Variants in WDR72 observed in about 807,000 individuals in gnomAD.
WDR72 encodes WD repeat-containing protein 72.
Under a neutral mutation model 124.2 loss-of-function variants are expected in WDR72, and 120 were observed. The observed-to-expected ratio is 0.97, with a 90% CI of 0.83 to 1.12. The LOEUF (loss-of-function observed/expected upper bound fraction) is 1.12. WDR72 is among the 50% of genes most tolerant of loss of function. WDR72 has a pLI of 0.00. For missense variants in WDR72, 1,387 were observed against 1,278.8 expected (o/e 1.08, Z -1.29); for synonymous variants, 452 against 441.7 (o/e 1.02, Z -0.29).
At chr15:53,633,213 C>T (rs755680277) in intron 14 of WDR72, among the ~76,000 whole-genome samples, 1 of 152,112 alleles carries the variant, frequency 6.6e-6, no homozygotes, top group African/African-American at 2.4e-5. Flanking sequence ...AGCACCATGC[C>T]CCCTTGGTAC....
At chr15:53,557,008 AAG>A (rs1188595317) in intron 18 of WDR72, among the ~76,000 whole-genome samples, 1 of 152,154 alleles carries the variant, frequency 6.6e-6, no homozygotes, top group East Asian at 1.9e-4. Context: ...TAAAAAAGGA[AAG>A]ATGAATACAA....
chr15:53,641,716 T>G (rs1273263759), intron 14 of WDR72, among the ~76,000 whole-genome samples: 1 of 151,922 alleles, frequency 6.6e-6, no homozygotes, highest in Non-Finnish European at 1.5e-5. Flanking sequence ...CTATTCCTAT[T>G]TATTTTCTTT....
At chr15:53,681,734 G>A (rs1479824923) in intron 13 of WDR72, among the ~76,000 whole-genome samples, 1 of 152,060 alleles carries the variant, frequency 6.6e-6, no homozygotes, top group East Asian at 1.9e-4. Flanking sequence ...CATACAAAAT[G>A]TTCTGAAGAC....
At chr15:53,565,121 T>C (rs542495642) in intron 18 of WDR72, among the ~76,000 whole-genome samples, 2 of 151,956 alleles carry the variant, frequency 1.3e-5, no homozygotes, top group South Asian at 4.1e-4. Context: ...AAAAATTTCA[T>C]GAGCATATTC....
chr15:53,657,573 AT>A (rs1303781733), intron 14 of WDR72, among the ~76,000 whole-genome samples: 1 of 151,902 alleles, frequency 6.6e-6, no homozygotes, highest in African/African-American at 2.4e-5. Flanking sequence ...CAAATGGAGT[AT>A]TTAATCCAAG....
At chr15:53,743,291 T>C (rs1178721959) in intron 1 of WDR72, among the ~76,000 whole-genome samples, 1 of 152,108 alleles carries the variant, frequency 6.6e-6, no homozygotes, top group Non-Finnish European at 1.5e-5. Context: ...AGTTTAATTA[T>C]ATATAGATCA....
chr15:53,538,534 T>G (rs1283991827), intron 18 of WDR72, among the ~76,000 whole-genome samples: 2 of 152,186 alleles, frequency 1.3e-5, no homozygotes, highest in African/African-American at 4.8e-5. Context: ...TTTTCATTTC[T>G]AGGGTAGAAA....
rs559582224 is a variant in WDR72, at chr15:53,516,717, T to C, written c.*982A>G. The C allele has an allele frequency of 2.6e-5, 4 of 152,162 alleles. No homozygotes were observed. In the East Asian group the frequency reaches 7.7e-4, roughly 29 times the overall value. The allele number at this position is 152,162 out of a possible 1,614,324, so 9.4% of individuals were successfully genotyped here. On this transcript the variant is annotated 3_prime_UTR_variant, in exon 20 of 20. Transcript: ENST00000360509. The stretch of plus-strand genomic sequence containing the variant: ...ATATTTAATACTTTATATCCTTTTT[T>C]CTATGGATTAGGCAATATTTATATA...
chr15:53,677,166 C>T (rs936621694), intron 13 of WDR72, among the ~76,000 whole-genome samples: 12 of 152,018 alleles, frequency 7.9e-5, no homozygotes, highest in African/African-American at 2.4e-4. Context: ...ATGATCCACC[C>T]GCCTTGGCCT....
intron 1 of WDR72, among the ~76,000 whole-genome samples, chr15:53,745,907 G>T (rs934463182): frequency 1.3e-5 from 2 of 152,238 alleles, no homozygotes; most frequent in East Asian, 3.9e-4. Flanking sequence ...TCCAGAACTT[G>T]CTCCTTACAC....
At chr15:53,613,938 C>T (rs1228060811) in intron 15 of WDR72, among the ~76,000 whole-genome samples, 181 bp from the exon 16 acceptor site, 1 of 140,934 alleles carries the variant, frequency 7.1e-6, no homozygotes, top group Non-Finnish European at 1.6e-5. Flanking sequence ...TTTGCTCCCA[C>T]CTAAAATCTT....
chr15:53,520,507 G>C (rs574376), intron 19 of WDR72, among the ~76,000 whole-genome samples: 47 of 152,142 alleles, frequency 3.1e-4, no homozygotes, highest in Admixed American at 1.3e-3. Context: ...TTTCCATACA[G>C]TGACTAAGGA....
intron 6 of WDR72, 123 bp downstream of exon 6, chr15:53,714,311 A>G (rs2017642502): frequency 1.2e-6 from 1 of 824,348 alleles, no homozygotes; most frequent in African/African-American, 1.7e-5. Flanking sequence ...ATGGAAGTAG[A>G]ATTTATACAC....
intron 18 of WDR72, among the ~76,000 whole-genome samples, chr15:53,552,424 T>C (rs999685261): frequency 6.6e-6 from 1 of 152,158 alleles, no homozygotes; most frequent in Non-Finnish European, 1.5e-5. Flanking sequence ...CTTTACTTTT[T>C]CTTTTACACG....
intron 9 of WDR72, among the ~76,000 whole-genome samples, chr15:53,709,874 T>G (rs549853301): frequency 9.9e-5 from 15 of 152,232 alleles, no homozygotes; most frequent in South Asian, 6.2e-4. Context: ...GCTGCCTAAT[T>G]AAGCAAACCA....
chr15:53,658,769 C>T (rs568627176), intron 14 of WDR72, among the ~76,000 whole-genome samples: 3 of 152,274 alleles, frequency 2.0e-5, no homozygotes, highest in African/African-American at 7.2e-5. Context: ...TCTGAAAACT[C>T]TCCATTTGTA....
At chr15:53,561,105 T>C (rs2129773) in intron 18 of WDR72, among the ~76,000 whole-genome samples, 72,915 of 151,568 alleles carry the variant, frequency 0.48, 18,665 homozygotes, top group Middle Eastern at 0.61. Context: ...ATAAACTGCA[T>C]TGTTCAGAAC....
intron 17 of WDR72, among the ~76,000 whole-genome samples, chr15:53,607,801 A>T (rs1014567854): frequency 1.3e-5 from 2 of 152,200 alleles, no homozygotes; most frequent in Admixed American, 6.6e-5. Context: ...GAGCTCAAAC[A>T]ACTCTATAGG....
At chr15:53,634,429 T>C (rs117838235) in intron 14 of WDR72, among the ~76,000 whole-genome samples, 2,281 of 152,298 alleles carry the variant, frequency 0.015, 47 homozygotes, top group East Asian at 0.096. Flanking sequence ...CTGGATCACA[T>C]TGGAAGAAAA....
Sources: gnomAD v4.1 joint callset for allele counts (sites outside exome capture counted in the v4.1 genomes callset) on GRCh38, gnomAD v4.1.1 for gene constraint, MANE v1.5 for transcripts, NCBI Gene and HGNC (gene_info 2026-07-23, HGNC 2026-07-21) for gene names.